The following ADAM32 variants were observed in gnomAD, a reference collection of about 807,000 sequenced individuals.
ADAM32 encodes disintegrin and metalloproteinase domain-containing protein 32.
Under a neutral mutation model 114.9 loss-of-function variants are expected in ADAM32, and 89 were observed. The observed-to-expected ratio is 0.77, with a 90% confidence interval of 0.65 to 0.92. The LOEUF (loss-of-function observed/expected upper bound fraction) is 0.92. Among genes scored for constraint, ADAM32 ranks in the 40% least tolerant of loss-of-function variants. The pLI, the probability that ADAM32 is intolerant of heterozygous loss-of-function variation, is 0.00. For synonymous variants in ADAM32, 285 were observed against 307.5 expected, an observed-to-expected ratio of 0.93 and a Z score of 0.77; for missense variants, 870 against 932.8, an observed-to-expected ratio of 0.93 and a Z score of 0.88.
At position 39,281,172 on chromosome 8, in the gene ADAM32, C is replaced by G; in HGVS notation, c.2316C>G (p.Ser772Arg). ...KSEDSAEAYT[S>R]RSKSQDSTQT... ...AAGATAGTGCTGAAGCATATACTAGCAGGTAAGCAGGATAGAAAGTGTTAC... is the reference window on the plus strand; with the variant it reads ...AAGATAGTGCTGAAGCATATACTAGGAGGTAAGCAGGATAGAAAGTGTTAC... Residue 772 changes from serine to arginine, a missense_variant and splice_region_variant, in exon 23 of 25, where the codon AGC (serine) becomes AGG (arginine). Ser to Arg is a moderately radical substitution (Grantham distance 110). Coordinates refer to ENST00000379907, the MANE Select transcript of ADAM32 (RefSeq NM_145004.7). 1 of 1,371,390 alleles carries G rather than the reference C, an allele frequency of 7.3e-7. No individual in the cohort carries two copies. 85.0% of individuals were successfully genotyped at this position (1,371,390 alleles called of 1,614,324 possible).
chr8:39,237,704 A>G (rs1045245049), intron 16 of ADAM32, among the ~76,000 whole-genome samples: 3 of 148,400 alleles, frequency 2.0e-5, no homozygotes, highest in Admixed American at 1.3e-4. Flanking sequence ...ACCTCCCCCA[A>G]TCCACCACAA....
chr8:39,267,146 G>C, intron 19 of ADAM32, among the ~76,000 whole-genome samples: 1 of 152,214 alleles, frequency 6.6e-6, no homozygotes, highest in Non-Finnish European at 1.5e-5. Context: ...GGTAGGTGGG[G>C]GTTCCCCCAT....
chr8:39,151,183 A>G (rs909410672), intron 5 of ADAM32, among the ~76,000 whole-genome samples, 194 bp from the exon 6 acceptor site: 2 of 152,206 alleles, frequency 1.3e-5, no homozygotes, highest in African/African-American at 4.8e-5. Context: ...TCTTACAACT[A>G]TACAAAAACG....
At position 39,246,080 on chromosome 8, in the gene ADAM32, TA is replaced by T. The variant is rs1810898048; in HGVS notation, c.1819-2del. 1 of 1,613,084 alleles carries T rather than the reference TA, an allele frequency of 6.2e-7. No individual in the cohort carries two copies. Among genetic ancestry groups the T allele is most frequent in the East Asian group, 2.2e-5 (1 of 44,800 alleles). ...AACTTTTTTTGTATGTGTTTTTCTTTAGGTTTGTGTAAATCGTGAATGTGTA... is the reference window on the plus strand; with the variant it reads ...AACTTTTTTTGTATGTGTTTTTCTTTGGTTTGTGTAAATCGTGAATGTGTA... On this transcript the variant is annotated splice_acceptor_variant, in intron 16 of 24. Coordinates refer to ENST00000379907, the MANE Select transcript of ADAM32 (RefSeq NM_145004.7). LOFTEE classifies it high-confidence loss of function.
At chr8:39,119,541 C>G (rs1321513606) in intron 2 of ADAM32, among the ~76,000 whole-genome samples, 1 of 152,006 alleles carries the variant, frequency 6.6e-6, no homozygotes, top group Non-Finnish European at 1.5e-5. Flanking sequence ...AAATTATTCT[C>G]CTGTTTTAAA....
chr8:39,157,442 G>T (rs1804211405), intron 6 of ADAM32: 1 of 302,338 alleles, frequency 3.3e-6, no homozygotes, highest in African/African-American at 2.2e-5. Context: ...TGTCCCACAG[G>T]TCTCTTAGGC....
intron 10 of ADAM32, among the ~76,000 whole-genome samples, chr8:39,179,248 C>T (rs568894809): frequency 6.6e-6 from 1 of 152,292 alleles, no homozygotes; most frequent in Admixed American, 6.5e-5. Flanking sequence ...GCTAGAATGG[C>T]CAACTTGAAG....
chr8:39,228,330 A>G (rs1809527046), intron 14 of ADAM32, among the ~76,000 whole-genome samples: 1 of 152,194 alleles, frequency 6.6e-6, no homozygotes, highest in Non-Finnish European at 1.5e-5. Context: ...ACCAAGAAGA[A>G]ACCCTTGATT....
At chr8:39,130,706 G>GTT (rs962137590) in intron 2 of ADAM32, among the ~76,000 whole-genome samples, 118 of 152,102 alleles carry the variant, frequency 7.8e-4, no homozygotes, top group African/African-American at 2.8e-3. Context: ...GATTTCCTAG[G>GTT]TTTTGTCTCT....
Position 39,196,848 on chromosome 8 carries a change from C to T in ADAM32, c.1052+9803C>T, listed in dbSNP as rs546077859. On this transcript the variant is annotated intron_variant, in intron 11 of 24. Coordinates refer to ENST00000379907, the MANE Select transcript of ADAM32 (RefSeq NM_145004.7). Reference sequence around the variant, plus strand: ...ATTTTCCTATCAGGGTAATGCTGGCCTCCCTCAAGACTGAGTTAGTGAGAA... The same window carrying T: ...ATTTTCCTATCAGGGTAATGCTGGCTTCCCTCAAGACTGAGTTAGTGAGAA... Among the ~76,000 whole-genome samples, 133 of 151,988 alleles carry T rather than the reference C, an allele frequency of 8.8e-4. 1 individual carries two copies. Among genetic ancestry groups the T allele is most frequent in the African/African-American group, 3.1e-3 (130 of 41,488 alleles).
At chr8:39,258,280 T>C (rs908023178) in intron 19 of ADAM32, among the ~76,000 whole-genome samples, 1 of 151,924 alleles carries the variant, frequency 6.6e-6, no homozygotes, top group African/African-American at 2.4e-5. Context: ...TCTGGTCTTT[T>C]TACCTTTGCT....
chr8:39,277,395 A>G (rs1168275720), intron 22 of ADAM32, among the ~76,000 whole-genome samples: 2 of 152,342 alleles, frequency 1.3e-5, no homozygotes, highest in East Asian at 3.9e-4. Context: ...TAGTGATATA[A>G]CATCCACCAT....
chr8:39,232,706 T>C (rs1809828831), intron 15 of ADAM32, among the ~76,000 whole-genome samples: 1 of 152,184 alleles, frequency 6.6e-6, no homozygotes, highest in African/African-American at 2.4e-5. Context: ...TCACTGTTTC[T>C]GTTGAAAGCT....
In ADAM32 at chr8:39,118,819, CA is replaced by C. The variant is rs558598276; in HGVS notation, c.138+655del. Among the ~76,000 whole-genome samples, 618 of 152,256 alleles carry C rather than the reference CA, an allele frequency of 4.1e-3. 2 individuals are homozygous for C. The highest frequency in any genetic ancestry group is 0.014 in the African/African-American group (590 of 41,560). On this transcript the variant is annotated intron_variant, in intron 2 of 24. Transcript: ENST00000379907. ...TAAGGGTACAACTCAACAATTATTA[CA>C]GCAGTACATAAATAGAATTGTGCAA...
intron 11 of ADAM32, among the ~76,000 whole-genome samples, chr8:39,205,270 T>C (rs553917411): frequency 2.0e-5 from 3 of 152,194 alleles, no homozygotes; most frequent in Non-Finnish European, 4.4e-5. Context: ...TGCGGTGGGC[T>C]CCACCCAGTT....
At chr8:39,278,635 C>CATTATT (rs912306985) in intron 22 of ADAM32, among the ~76,000 whole-genome samples, 1 of 151,216 alleles carries the variant, frequency 6.6e-6, no homozygotes, top group South Asian at 2.1e-4. Context: ...CCCTACCCTC[C>CATTATT]ATTATTATTA....
chr8:39,148,104 A>G (rs58424151), intron 4 of ADAM32, among the ~76,000 whole-genome samples: 56 of 152,198 alleles, frequency 3.7e-4, no homozygotes, highest in African/African-American at 1.3e-3. Context: ...CATGGTGACC[A>G]TATTGATCCT....
At chr8:39,161,330 G>A (rs77508988) in intron 7 of ADAM32, among the ~76,000 whole-genome samples, 35,845 of 152,092 alleles carry the variant, frequency 0.24, 4,784 homozygotes, top group Non-Finnish European at 0.29. Flanking sequence ...TTCCACCCTA[G>A]AATATTTATT....
intron 2 of ADAM32, among the ~76,000 whole-genome samples, chr8:39,136,259 G>C (rs1802796703): frequency 6.6e-6 from 1 of 152,116 alleles, no homozygotes; most frequent in Admixed American, 6.6e-5. Flanking sequence ...ATCTTAGGAG[G>C]GTTTTTAAGA....
Sources: allele counts gnomAD v4.1 joint callset (sites outside exome capture counted in the v4.1 genomes callset), GRCh38; gene constraint gnomAD v4.1.1; transcripts MANE v1.5; gene names NCBI Gene and HGNC (gene_info 2026-07-23, HGNC 2026-07-21).